The following PATJ variants were observed in gnomAD, a reference collection of about 807,000 sequenced individuals.
PATJ encodes inaD-like protein.
Under a neutral mutation model 224.9 loss-of-function variants are expected in PATJ, and 190 were observed. The ratio of observed to expected loss-of-function variants is 0.84; its 90% CI spans 0.75 to 0.95. The LOEUF (loss-of-function observed/expected upper bound fraction) is 0.95, where lower values mean the gene tolerates loss of function less well. Among genes scored for constraint, PATJ ranks in the 40% least tolerant of loss-of-function variants. The probability of loss-of-function intolerance (pLI) is 0.00; values close to 1 mark genes in which losing one functional copy is unlikely to be tolerated. For synonymous variants in PATJ, 769 were observed against 820.3 expected (o/e 0.94, Z 1.07); for missense variants, 2,121 against 2,270.3 (o/e 0.93, Z 1.34).
intron 27 of PATJ, among the ~76,000 whole-genome samples, chr1:61,931,886 T>C (rs1395694601): frequency 1.3e-5 from 2 of 152,200 alleles, no homozygotes; most frequent in East Asian, 3.8e-4. Context: ...TTAACCAGTA[T>C]AGATGCACAC....
intron 7 of PATJ, among the ~76,000 whole-genome samples, chr1:61,786,545 C>A (rs886068755): frequency 2.5e-4 from 38 of 152,136 alleles, no homozygotes; most frequent in African/African-American, 8.7e-4. Context: ...TCCTGATTTC[C>A]ACCTCGCCCA....
intron 27 of PATJ, among the ~76,000 whole-genome samples, chr1:61,952,788 G>T (rs1203087642): frequency 6.6e-6 from 1 of 152,094 alleles, no homozygotes; most frequent in Non-Finnish European, 1.5e-5. Flanking sequence ...TATCATTATT[G>T]TTGTTACTTG....
chr1:62,141,674 CA>C (rs11322309), intron 41 of PATJ, among the ~76,000 whole-genome samples: 53,777 of 136,912 alleles, frequency 0.39, 11,613 homozygotes, highest in East Asian at 0.72. Context: ...GACTCTGTCT[CA>C]AAAAAAAAAA....
At chr1:61,786,652 A>G (rs1001305969) in intron 7 of PATJ, among the ~76,000 whole-genome samples, 1 of 151,920 alleles carries the variant, frequency 6.6e-6, no homozygotes, top group Admixed American at 6.6e-5. Context: ...TTCCTCCCTC[A>G]CAGCCCATAT....
At chr1:62,052,242 C>T (rs545376976) in intron 31 of PATJ, among the ~76,000 whole-genome samples, 1 of 152,162 alleles carries the variant, frequency 6.6e-6, no homozygotes, top group South Asian at 2.1e-4. Flanking sequence ...ATCCATTTAT[C>T]CTCTTTCAGG....
At chr1:62,156,102 C>G (rs1050245306) in intron 43 of PATJ, among the ~76,000 whole-genome samples, 1 of 137,230 alleles carries the variant, frequency 7.3e-6, no homozygotes, top group African/African-American at 2.7e-5. Context: ...TAGGGCAGGA[C>G]ATGGTGGCTC....
intron 31 of PATJ, chr1:62,054,224 G>T: frequency 4.8e-6 from 1 of 207,548 alleles, no homozygotes. Context: ...TTAGCTGAGT[G>T]TGGTGACAAG....
At chr1:61,975,588 G>A (rs1407008407) in intron 27 of PATJ, among the ~76,000 whole-genome samples, 1 of 151,904 alleles carries the variant, frequency 6.6e-6, no homozygotes, top group Non-Finnish European at 1.5e-5. Flanking sequence ...TGGATACATG[G>A]TAATATCCTC....
chr1:61,922,331 A>C (rs1674457374), intron 26 of PATJ, among the ~76,000 whole-genome samples: 1 of 152,316 alleles, frequency 6.6e-6, no homozygotes, highest in South Asian at 2.1e-4. Context: ...GATGTGAGCC[A>C]CCATGCCTGG....
chr1:62,079,686 C>A, intron 32 of PATJ, 119 bp downstream of exon 32: 1 of 697,120 alleles, frequency 1.4e-6, no homozygotes, highest in Admixed American at 2.4e-5. Context: ...ATACTTCCTC[C>A]GCTTCCTTAG....
chr1:61,831,754 T>A (rs1659364527), intron 16 of PATJ, among the ~76,000 whole-genome samples: 1 of 152,208 alleles, frequency 6.6e-6, no homozygotes, highest in Non-Finnish European at 1.5e-5. Flanking sequence ...GTTCAGCCAC[T>A]GTGGAAAGCA....
chr1:61,985,078 C>T (rs1644672132), intron 27 of PATJ, among the ~76,000 whole-genome samples: 2 of 152,016 alleles, frequency 1.3e-5, no homozygotes, highest in Non-Finnish European at 2.9e-5. Context: ...CTTTGGGAGG[C>T]CGTTGTGGGC....
At chr1:61,929,181 G>A (rs1219670719) in intron 27 of PATJ, among the ~76,000 whole-genome samples, 1 of 152,178 alleles carries the variant, frequency 6.6e-6, no homozygotes, top group Non-Finnish European at 1.5e-5. Flanking sequence ...TATCATGTCA[G>A]CTGCCACGGA....
intron 27 of PATJ, among the ~76,000 whole-genome samples, chr1:61,961,728 G>A (rs1315167772): frequency 6.6e-6 from 1 of 152,086 alleles, no homozygotes; most frequent in Non-Finnish European, 1.5e-5. Flanking sequence ...CAGCACTTTG[G>A]GAGGCCGAGG....
chr1:62,156,913 CAA>C (rs202034453), intron 43 of PATJ, among the ~76,000 whole-genome samples: 4 of 99,236 alleles, frequency 4.0e-5, no homozygotes, highest in African/African-American at 3.6e-5. Flanking sequence ...AAGTCCCTGT[CAA>C]AAAAAAAAAA....
chr1:62,013,065 T>A (rs928595273), intron 28 of PATJ, among the ~76,000 whole-genome samples: 1 of 152,268 alleles, frequency 6.6e-6, no homozygotes, highest in Non-Finnish European at 1.5e-5. Flanking sequence ...GCAAGCAAGC[T>A]GCTTTGCCTT....
Position 61,830,982 on chromosome 1 carries a change from T to C in PATJ, c.1981-2672T>C, listed in dbSNP as rs577000720. Among the ~76,000 whole-genome samples the C allele has an allele frequency of 5.3e-5, 8 of 152,040 alleles. No individual in the cohort carries two copies. In the South Asian group the frequency reaches 1.5e-3, roughly 28 times the overall value. On this transcript the variant is annotated intron_variant, in intron 16 of 43. Coordinates refer to ENST00000642238, the MANE Select transcript of PATJ (RefSeq NM_001350145.3). The stretch of plus-strand genomic sequence containing the variant: ...GGGGACAGATCACGAGGTCAGGAGA[T>C]TGAGACCTTCCTGACTAACACAGTG...
At chr1:61,751,519 A>G (rs925658442) in intron 1 of PATJ, among the ~76,000 whole-genome samples, 7 of 152,094 alleles carry the variant, frequency 4.6e-5, no homozygotes, top group Non-Finnish European at 1.0e-4. Flanking sequence ...AACTGCTACC[A>G]ACCAGAATAC....
chr1:61,819,043 T>G (rs1570694961), intron 14 of PATJ, among the ~76,000 whole-genome samples: 1 of 152,208 alleles, frequency 6.6e-6, no homozygotes, highest in Admixed American at 6.5e-5. Flanking sequence ...ACTCATTTGC[T>G]CAAACCAGAA....
Sources: gnomAD v4.1 joint callset for allele counts (sites outside exome capture counted in the v4.1 genomes callset) on GRCh38, gnomAD v4.1.1 for gene constraint, MANE v1.5 for transcripts, NCBI Gene and HGNC (gene_info 2026-07-23, HGNC 2026-07-21) for gene names.